The following FBXO39 variants were observed in gnomAD, a reference collection of about 807,000 sequenced individuals.
FBXO39 encodes the protein F-box protein 39, also known as F-box only protein 39.
FBXO39 carries 22 observed loss-of-function variants against 36.6 expected under a neutral mutation model. The observed-to-expected ratio is 0.60, with a 90% CI of 0.43 to 0.86. The LOEUF (loss-of-function observed/expected upper bound fraction) is 0.86. Ranked by LOEUF, FBXO39 falls within the 40% of genes least tolerant of loss-of-function variation. The pLI is 0.00. For synonymous variants in FBXO39, 206 were observed against 205.8 expected (o/e 1.00, Z -0.01); for missense variants, 536 against 543.9 (o/e 0.99, Z 0.14).
chr17:6,783,108 A>G (rs1405003228), intron 2 of FBXO39, among the ~76,000 whole-genome samples: 1 of 152,146 alleles, frequency 6.6e-6, no homozygotes, highest in Non-Finnish European at 1.5e-5. Context: ...AGAAATTAAT[A>G]ACGAGAAACT....
At chr17:6,783,321 T>A (rs1976531189) in intron 2 of FBXO39, among the ~76,000 whole-genome samples, 1 of 151,612 alleles carries the variant, frequency 6.6e-6, no homozygotes, top group Non-Finnish European at 1.5e-5. Context: ...AAGAAAAACT[T>A]CAAATAAACA....
intron 2 of FBXO39, among the ~76,000 whole-genome samples, chr17:6,786,221 T>C (rs913204941): frequency 3.3e-5 from 5 of 152,232 alleles, no homozygotes; most frequent in East Asian, 1.9e-4. Context: ...GAGGTTGTTA[T>C]GTTAAGTGAA....
chr17:6,781,877 A>G (rs1457545026), intron 2 of FBXO39, among the ~76,000 whole-genome samples: 2 of 152,188 alleles, frequency 1.3e-5, no homozygotes, highest in Admixed American at 6.5e-5. Flanking sequence ...TGAAAGAAAA[A>G]GGCATTAATG....
chr17:6,778,669 G>A (rs1310629580), intron 1 of FBXO39, among the ~76,000 whole-genome samples: 1 of 152,164 alleles, frequency 6.6e-6, no homozygotes, highest in African/African-American at 2.4e-5. Context: ...TTGAACAATG[G>A]GGGTTTGGGA....
Position 6,780,725 on chromosome 17 carries a change from A to C in FBXO39, c.857A>C (p.Asn286Thr), listed in dbSNP as rs1336379858. The change falls in exon 2 of 4, where the codon AAC (asparagine) becomes ACC (threonine). Residue 286 changes from asparagine (N) to threonine (T), a missense_variant. By Grantham distance (65) the Asn-to-Thr change is moderately conservative. Coordinates refer to ENST00000321535, the MANE Select transcript of FBXO39 (RefSeq NM_153230.3). ...LARQATNLKV[N>T]FFFERIMKYE... ...AGGCAGGCCACCAATCTGAAGGTGA[A>C]CTTCTTCTTTGAACGGATCATGAAG... The C allele has an allele frequency of 1.2e-6, 2 of 1,614,012 alleles. No homozygotes were observed. The highest frequency in any genetic ancestry group is 1.7e-6 in the Non-Finnish European group (2 of 1,180,022).
rs561262428 is a variant in FBXO39, at chr17:6,785,866, G to A, written c.1024-914G>A. 3.3e-5 allele frequency among the ~76,000 whole-genome samples: 5 copies of A among 152,284 alleles called. No homozygotes were observed. The South Asian group carries it at 1.0e-3, about 32-fold the overall frequency. On this transcript the variant is annotated intron_variant, in intron 2 of 3. Transcript: ENST00000321535. Reference sequence around the variant, plus strand: ...GACAGGCAATAGCAAATGCTGGAAAGGATGTAGAGAAAAGGAAATTCTCAT... The same window carrying A: ...GACAGGCAATAGCAAATGCTGGAAAAGATGTAGAGAAAAGGAAATTCTCAT...
rs141175122 is a variant in FBXO39, at chr17:6,778,603, G to A, written c.-80-1186G>A. 4.2e-3 allele frequency among the ~76,000 whole-genome samples: 633 copies of A among 152,196 alleles called. 3 individuals are homozygous for A. The highest frequency in any genetic ancestry group is 0.014 in the African/African-American group (582 of 41,524). On this transcript the variant is annotated intron_variant, in intron 1 of 3. Coordinates refer to ENST00000321535, the MANE Select transcript of FBXO39 (RefSeq NM_153230.3). ...TTTATGAGCCATGATCAATAATCTT[G>A]GGTTTATCTGGTAAAGTAGTCAGTG...
chr17:6,781,699 G>A (rs1316071807), intron 2 of FBXO39, among the ~76,000 whole-genome samples: 2 of 152,128 alleles, frequency 1.3e-5, no homozygotes, highest in Non-Finnish European at 2.9e-5. Flanking sequence ...TATACTCCAA[G>A]TACACTGCCT....
chr17:6,782,597 TG>T (rs1450228685), intron 2 of FBXO39, among the ~76,000 whole-genome samples: 2 of 151,980 alleles, frequency 1.3e-5, no homozygotes, highest in African/African-American at 4.8e-5. Flanking sequence ...TTAATGCCGA[TG>T]GAAACCAAAA....
intron 3 of FBXO39, 37 bp downstream of exon 3, chr17:6,786,993 G>C: frequency 6.3e-7 from 1 of 1,580,328 alleles, no homozygotes; most frequent in Non-Finnish European, 8.6e-7. Context: ...GGCGTAGAGT[G>C]GGGGCATCCA....
In FBXO39 at chr17:6,779,867, G is replaced by A; in HGVS notation, c.-2G>A. 6.2e-7 allele frequency: 1 copy of A among 1,613,726 alleles called. No homozygotes were observed. Among genetic ancestry groups the A allele is most frequent in the South Asian group, 1.1e-5 (1 of 91,062 alleles). ...AGCTGCACTGTACATCCCAGTTCCT[G>A]GATGGACGAAGAAAGTGAACTGATC... On this transcript the variant is annotated 5_prime_UTR_variant, in exon 2 of 4. Transcript: ENST00000321535.
chr17:6,781,179 G>A (rs1976505103), intron 2 of FBXO39, among the ~76,000 whole-genome samples: 1 of 152,234 alleles, frequency 6.6e-6, no homozygotes, highest in Non-Finnish European at 1.5e-5. Context: ...GCCTGAGCCA[G>A]GAGGTGCCTT....
intron 2 of FBXO39, among the ~76,000 whole-genome samples, chr17:6,783,927 C>T (rs969383525): frequency 2.6e-5 from 4 of 152,008 alleles, no homozygotes; most frequent in African/African-American, 9.7e-5. Context: ...CTGATATTAC[C>T]CTGATACCAA....
intron 3 of FBXO39, 49 bp from the exon 4 acceptor site, chr17:6,787,251 T>TGC (rs748170024): frequency 6.4e-7 from 1 of 1,571,512 alleles, no homozygotes; most frequent in Non-Finnish European, 8.7e-7. Context: ...TGTGTGTGTG[T>TGC]GTGCGTGTGT....
At chr17:6,780,993 C>T in intron 2 of FBXO39, 102 bp downstream of exon 2, 1 of 1,273,744 alleles carries the variant, frequency 7.9e-7, no homozygotes, top group Non-Finnish European at 1.1e-6. Flanking sequence ...AATGTTCACT[C>T]AATCTCAAAT....
intron 2 of FBXO39, among the ~76,000 whole-genome samples, chr17:6,784,961 A>G (rs1212265412): frequency 1.4e-5 from 2 of 140,660 alleles, no homozygotes; most frequent in Non-Finnish European, 3.0e-5. Flanking sequence ...GTGTATATAT[A>G]TATATGGAAC....
At chr17:6,785,317 A>G (rs1331215505) in intron 2 of FBXO39, among the ~76,000 whole-genome samples, 3 of 152,152 alleles carry the variant, frequency 2.0e-5, no homozygotes, top group African/African-American at 4.8e-5. Context: ...CTAGACCACT[A>G]TCTCTTGCCA....
chr17:6,778,694 G>A (rs746906976), intron 1 of FBXO39, among the ~76,000 whole-genome samples: 8 of 152,204 alleles, frequency 5.3e-5, no homozygotes, highest in Non-Finnish European at 1.2e-4. Context: ...CAAACAACAT[G>A]AGGAGAGTTT....
At position 6,780,983 on chromosome 17, in the gene FBXO39, A is replaced by T. The variant is rs114195960; in HGVS notation, c.1023+92A>T. 1.6e-3 allele frequency: 2,187 copies of T among 1,329,226 alleles called. 30 individuals are homozygous for T. The African/African-American group carries it at 0.028, about 17-fold the overall frequency. The allele number at this position is 1,329,226 out of a possible 1,614,324, so 82.3% of individuals were successfully genotyped here. On this transcript the variant is annotated intron_variant, in intron 2 of 3. Coordinates refer to ENST00000321535, the MANE Select transcript of FBXO39 (RefSeq NM_153230.3). ...CTGCCTGCTCTTGGCTAGGCTCCCA[A>T]ATGTTCACTCAATCTCAAATTGAAG...
Sources: gnomAD v4.1 joint callset for allele counts (sites outside exome capture counted in the v4.1 genomes callset) on GRCh38, gnomAD v4.1.1 for gene constraint, MANE v1.5 for transcripts, NCBI Gene and HGNC (gene_info 2026-07-23, HGNC 2026-07-21) for gene names.